Variants in CMIP observed in about 807,000 individuals in gnomAD.
CMIP encodes c-Maf inducing protein.
In CMIP, 13 loss-of-function variants were observed where a neutral mutation model predicts 97.3. The observed-to-expected ratio is 0.13, with a 90% CI of 0.09 to 0.21. The LOEUF (loss-of-function observed/expected upper bound fraction) is 0.21, where lower values mean the gene tolerates loss of function less well. Ranked by LOEUF, CMIP falls within the 10% of genes least tolerant of loss-of-function variation. CMIP has a pLI of 1.00. For synonymous variants in CMIP, 538 were observed against 436.3 expected (o/e 1.23, Z -2.91); for missense variants, 847 against 1,024.9 (o/e 0.83, Z 2.37).
chr16:81,667,684 C>T (rs1342484861), intron 7 of CMIP, among the ~76,000 whole-genome samples: 2 of 146,466 alleles, frequency 1.4e-5, no homozygotes, highest in Non-Finnish European at 3.0e-5. Context: ...CAGAGACAGA[C>T]GTGGCAGCCC....
intron 3 of CMIP, chr16:81,631,806 A>G (rs941029283): frequency 1.3e-5 from 2 of 152,252 alleles, no homozygotes; most frequent in Non-Finnish European, 2.9e-5. Flanking sequence ...ATGTGTGTCC[A>G]CAGTCCTGTT....
chr16:81,494,647 G>T (rs988122177), intron 1 of CMIP, among the ~76,000 whole-genome samples: 8 of 152,080 alleles, frequency 5.3e-5, no homozygotes, highest in Admixed American at 3.9e-4. Context: ...CGATGCCTCC[G>T]CTGATGCTTA....
intron 1 of CMIP, among the ~76,000 whole-genome samples, chr16:81,565,314 C>T (rs372958703): frequency 9.2e-5 from 14 of 152,198 alleles, no homozygotes; most frequent in African/African-American, 3.4e-4. Flanking sequence ...GAAGAGGAGC[C>T]TCTCTCCCTG....
At chr16:81,668,266 C>T (rs770919283) in intron 7 of CMIP, among the ~76,000 whole-genome samples, 8 of 152,128 alleles carry the variant, frequency 5.3e-5, no homozygotes, top group Non-Finnish European at 1.0e-4. Context: ...AGGACGGTGC[C>T]GCTCCTGGGT....
At chr16:81,552,184 G>A (rs1197247097) in intron 1 of CMIP, among the ~76,000 whole-genome samples, 3 of 152,192 alleles carry the variant, frequency 2.0e-5, no homozygotes, top group African/African-American at 4.8e-5. Flanking sequence ...CTCCCCATAC[G>A]TGGCAGTGGA....
chr16:81,677,254 T>C (rs1904365048), intron 9 of CMIP, among the ~76,000 whole-genome samples: 1 of 152,184 alleles, frequency 6.6e-6, no homozygotes, highest in South Asian at 2.1e-4. Context: ...AGGAGGATCC[T>C]GGGCTTTGGG....
chr16:81,522,638 A>C (rs1388852930), intron 1 of CMIP, among the ~76,000 whole-genome samples: 2 of 151,296 alleles, frequency 1.3e-5, no homozygotes, highest in Admixed American at 1.3e-4. Flanking sequence ...TAACAAATAA[A>C]CAAGCAAACA....
intron 3 of CMIP, among the ~76,000 whole-genome samples, chr16:81,645,070 A>C (rs933708368): frequency 6.6e-6 from 1 of 152,232 alleles, no homozygotes; most frequent in Non-Finnish European, 1.5e-5. Flanking sequence ...ACCACTAGAC[A>C]CAGCTGGCTA....
intron 3 of CMIP, among the ~76,000 whole-genome samples, chr16:81,626,790 T>A (rs779401707): frequency 1.5e-3 from 66 of 43,462 alleles, no homozygotes; most frequent in East Asian, 2.9e-3. Context: ...AGAGAGAGAG[T>A]GTGTGTGTGT....
At chr16:81,456,610 C>G (rs1283294171) in intron 1 of CMIP, among the ~76,000 whole-genome samples, 4 of 152,214 alleles carry the variant, frequency 2.6e-5, no homozygotes, top group African/African-American at 7.2e-5. Context: ...GTCATTGTCC[C>G]CCTTATACAG....
intron 1 of CMIP, among the ~76,000 whole-genome samples, chr16:81,466,384 CT>C (rs1420847197): frequency 6.6e-6 from 1 of 152,206 alleles, no homozygotes; most frequent in Non-Finnish European, 1.5e-5. Context: ...AAAAAAATTA[CT>C]TCATTTGGCT....
chr16:81,566,352 A>T (rs574287514), intron 1 of CMIP, among the ~76,000 whole-genome samples: 1 of 152,212 alleles, frequency 6.6e-6, no homozygotes, highest in Admixed American at 6.5e-5. Context: ...TCTTTCAGAC[A>T]GTGAAGGAGC....
intron 7 of CMIP, among the ~76,000 whole-genome samples, chr16:81,667,795 AGAGAGTGTGT>A (rs1355003040): frequency 4.6e-4 from 31 of 68,088 alleles, no homozygotes; most frequent in South Asian, 1.5e-3. Flanking sequence ...AGAGAGAGAG[AGAGAGTGTGT>A]GTGTGTGTGT....
In CMIP at chr16:81,572,934, C is replaced by T. The variant is rs557117586; in HGVS notation, c.301-34633C>T. 9.5e-4 allele frequency among the ~76,000 whole-genome samples: 144 copies of T among 152,326 alleles called. 1 individual carries two copies. Among genetic ancestry groups the T allele is most frequent in the Middle Eastern group, 3.4e-3 (1 of 294 alleles). On this transcript the variant is annotated intron_variant, in intron 1 of 20. Coordinates refer to ENST00000537098, the MANE Select transcript of CMIP (RefSeq NM_198390.3). Reference sequence around the variant, plus strand: ...TCCATGATTGGTCCCTGCCTCACATCCCAGTTTCTTCAAATATCAGCAAGT... The same window carrying T: ...TCCATGATTGGTCCCTGCCTCACATTCCAGTTTCTTCAAATATCAGCAAGT...
In CMIP at chr16:81,691,847, C is replaced by T. The variant is rs2151080016; in HGVS notation, c.1454+7C>T. 6.2e-7 allele frequency: 1 copy of T among 1,612,436 alleles called. No individual in the cohort carries two copies. The highest frequency in any genetic ancestry group is 8.5e-7 in the Non-Finnish European group (1 of 1,178,570). ...CCATTCCATTCCCCAAAGAGTAAGT[C>T]CCGTGTGCATCCCCGGAGCCCTCCC... On this transcript the variant is annotated splice_region_variant and intron_variant, in intron 11 of 20. Transcript: ENST00000537098.
chr16:81,562,016 G>A (rs573926596), intron 1 of CMIP, among the ~76,000 whole-genome samples: 16 of 152,290 alleles, frequency 1.1e-4, no homozygotes, highest in African/African-American at 3.6e-4. Flanking sequence ...GACAGTGGTC[G>A]GACTCAGGAT....
At chr16:81,638,264 A>G (rs1004922396) in intron 3 of CMIP, among the ~76,000 whole-genome samples, 2 of 152,204 alleles carry the variant, frequency 1.3e-5, no homozygotes, top group African/African-American at 4.8e-5. Flanking sequence ...GGGATGTTGC[A>G]TTCACAGATG....
chr16:81,678,155 T>C, intron 9 of CMIP, 120 bp from the exon 10 acceptor site: 1 of 703,780 alleles, frequency 1.4e-6, no homozygotes. Context: ...AGCACAGGAA[T>C]GATGATAGTA....
chr16:81,696,458 C>T, intron 13 of CMIP, 102 bp from the exon 14 acceptor site: 3 of 1,160,856 alleles, frequency 2.6e-6, no homozygotes, highest in Non-Finnish European at 3.7e-6. Context: ...TTCTTGACTG[C>T]AGGACTTGCC....
Sources: gnomAD v4.1 joint callset for allele counts (sites outside exome capture counted in the v4.1 genomes callset) on GRCh38, gnomAD v4.1.1 for gene constraint, MANE v1.5 for transcripts, NCBI Gene and HGNC (gene_info 2026-07-23, HGNC 2026-07-21) for gene names.